HEATR5A: variants seen among roughly 807,000 people sequenced by gnomAD.
HEATR5A encodes the protein HEAT repeat containing 5A.
Under a neutral mutation model 218.8 loss-of-function variants are expected in HEATR5A, and 178 were observed. That is an observed-to-expected ratio of 0.81 (90% confidence interval 0.72 to 0.92). The LOEUF (loss-of-function observed/expected upper bound fraction) is 0.92. HEATR5A is among the 40% of genes least tolerant of loss of function. The probability of loss-of-function intolerance (pLI) is 0.00; values close to 1 mark genes in which losing one functional copy is unlikely to be tolerated. For synonymous variants in HEATR5A, 864 were observed against 871.6 expected, an observed-to-expected ratio of 0.99 and a Z score of 0.15; for missense variants, 2,420 against 2,418.9, an observed-to-expected ratio of 1.00 and a Z score of -0.01.
At chr14:31,295,012 ATTGAG>A (rs1369167264) in intron 34 of HEATR5A, among the ~76,000 whole-genome samples, 3 of 152,206 alleles carry the variant, frequency 2.0e-5, no homozygotes, top group Non-Finnish European at 2.9e-5. Context: ...ATAAACTTTT[ATTGAG>A]TTAACTGTAA....
At chr14:31,294,792 T>C (rs1899125440) in intron 34 of HEATR5A, among the ~76,000 whole-genome samples, 1 of 152,170 alleles carries the variant, frequency 6.6e-6, no homozygotes, top group Non-Finnish European at 1.5e-5. Flanking sequence ...CCTTGAAAGA[T>C]ATTTTGTTGA....
Position 31,400,500 on chromosome 14 carries a change from C to T in HEATR5A, c.139G>A (p.Glu47Lys), listed in dbSNP as rs2030830547. 6.5e-7 allele frequency: 1 copy of T among 1,531,574 alleles called. No individual in the cohort carries two copies. The highest frequency in any genetic ancestry group is 8.7e-7 in the Non-Finnish European group (1 of 1,144,038). The allele number at this position is 1,531,574 out of a possible 1,614,324, so 94.9% of individuals were successfully genotyped here. A position where few individuals can be genotyped will look rare whatever the true frequency, so the allele number is the denominator to read the frequency against. ...LLATSRNDVREKQKTLVEQLL... is the reference protein window; with the variant it reads ...LLATSRNDVRKKQKTLVEQLL... ...TGTTCAACAAGAGTCTTCTGTTTCTCCCTTACATCATTCTAGAAAGAAAGA... is the reference window on the plus strand; with the variant it reads ...TGTTCAACAAGAGTCTTCTGTTTCTTCCTTACATCATTCTAGAAAGAAAGA... Residue 47 changes from glutamate to lysine, a missense_variant, in exon 3 of 36, where the codon GAG becomes AAG. Transcript: ENST00000543095.
At chr14:31,385,701 A>G (rs114252657) in intron 9 of HEATR5A, among the ~76,000 whole-genome samples, 148 of 152,250 alleles carry the variant, frequency 9.7e-4, no homozygotes, top group Middle Eastern at 3.4e-3. Flanking sequence ...TGTATACCTT[A>G]TAAGCGTAAA....
chr14:31,379,626 AATTAAGTT>A (rs1243215329), intron 11 of HEATR5A, among the ~76,000 whole-genome samples: 4 of 152,148 alleles, frequency 2.6e-5, no homozygotes, highest in Non-Finnish European at 4.4e-5. Context: ...AGAGTAATAA[AATTAAGTT>A]TCATTAGCAC....
At chr14:31,364,352 C>G in intron 13 of HEATR5A, 54 bp from the exon 14 acceptor site, 1 of 782,692 alleles carries the variant, frequency 1.3e-6, no homozygotes. Context: ...TAACAATATA[C>G]AAAAATTGAC....
intron 1 of HEATR5A, chr14:31,420,107 G>GC: frequency 6.6e-6 from 1 of 152,382 alleles, no homozygotes; most frequent in East Asian, 1.9e-4. Flanking sequence ...TTCCCCACAC[G>GC]CCCGGCAACC....
intron 16 of HEATR5A, among the ~76,000 whole-genome samples, chr14:31,353,678 G>GT (rs1250865516): frequency 6.6e-6 from 1 of 152,086 alleles, no homozygotes; most frequent in African/African-American, 2.4e-5. Flanking sequence ...TGAAGCTGCA[G>GT]TGAGGCAAAA....
chr14:31,416,025 G>A lies in HEATR5A; in HGVS notation c.-75+4447C>T, dbSNP rs886936526. On this transcript the variant is annotated intron_variant, in intron 1 of 35. Transcript: ENST00000543095. ...GAGTGCAGTGGCAGGATCTCAGCTC[G>A]CTGCAACCTCTACCTCATGGGTTCA... 6.0e-5 allele frequency among the ~76,000 whole-genome samples: 9 copies of A among 150,994 alleles called. No individual in the cohort carries two copies. In the East Asian group the frequency reaches 1.7e-3, roughly 29 times the overall value.
At chr14:31,326,706 G>A (rs947275456) in intron 22 of HEATR5A, among the ~76,000 whole-genome samples, 2 of 151,818 alleles carry the variant, frequency 1.3e-5, no homozygotes, top group African/African-American at 2.4e-5. Context: ...GCAATGGCAC[G>A]ATCTTGGCTC....
rs750859407 is a variant in HEATR5A, at chr14:31,313,165, T to G, written c.4244A>C (p.His1415Pro). 3 of 1,613,548 alleles carry G rather than the reference T, an allele frequency of 1.9e-6. No individual in the cohort carries two copies. The highest frequency in any genetic ancestry group is 2.2e-5 in the South Asian group (2 of 91,082). ...AEVYIIAVQR[H>P]KNHRQPLKTT... ...CTTCAAAGGTTGTCTGTGGTTTTTA[T>G]GTCTTTGCACAGCAATTATGTAGAC... The change falls in exon 28 of 36, where the codon CAT (histidine) becomes CCT (proline). Residue 1415 changes from histidine (H) to proline (P), a missense_variant. Physicochemically the swap from His to Pro is moderately conservative, Grantham distance 77. Transcript: ENST00000543095.
At chr14:31,348,964 T>C (rs991544736) in intron 18 of HEATR5A, among the ~76,000 whole-genome samples, 2 of 152,224 alleles carry the variant, frequency 1.3e-5, no homozygotes, top group Admixed American at 1.3e-4. Flanking sequence ...TAGGCTTTTT[T>C]CCCATATTAC....
chr14:31,392,340 G>C (rs534665594), intron 6 of HEATR5A, among the ~76,000 whole-genome samples: 8 of 152,030 alleles, frequency 5.3e-5, no homozygotes, highest in Non-Finnish European at 7.3e-5. Flanking sequence ...GATTGGATAA[G>C]ACCACAAGAC....
At chr14:31,405,960 T>C (rs554205762) in intron 1 of HEATR5A, among the ~76,000 whole-genome samples, 1 of 152,338 alleles carries the variant, frequency 6.6e-6, no homozygotes, top group Admixed American at 6.5e-5. Context: ...TTATGTAAAT[T>C]ACTCCTAAAG....
At chr14:31,303,278 C>T (rs1037262448) in intron 32 of HEATR5A, among the ~76,000 whole-genome samples, 23 of 151,372 alleles carry the variant, frequency 1.5e-4, no homozygotes, top group Admixed American at 9.2e-4. Flanking sequence ...ACTAAAAATA[C>T]AAAAATTAGC....
In HEATR5A at chr14:31,387,753, G is replaced by C. The variant is rs1301941826; in HGVS notation, c.934-378C>G. 2.0e-5 allele frequency among the ~76,000 whole-genome samples: 3 copies of C among 152,140 alleles called. No homozygotes were observed. In the East Asian group the frequency reaches 5.8e-4, roughly 29 times the overall value. On this transcript the variant is annotated intron_variant, in intron 7 of 35. Transcript: ENST00000543095. Reference sequence around the variant, plus strand: ...TTTTTTGTATTTTTAGTAGAGACGGGGTTTCACCATGTTACCCAGGATGGT... The same window carrying C: ...TTTTTTGTATTTTTAGTAGAGACGGCGTTTCACCATGTTACCCAGGATGGT...
chr14:31,304,205 T>G (rs1481067429), intron 32 of HEATR5A, among the ~76,000 whole-genome samples: 2 of 152,080 alleles, frequency 1.3e-5, no homozygotes, highest in Non-Finnish European at 2.9e-5. Flanking sequence ...AAAGTACCTG[T>G]GTCAAACAAA....
At chr14:31,403,304 G>C (rs189519481) in intron 1 of HEATR5A, among the ~76,000 whole-genome samples, 2 of 152,252 alleles carry the variant, frequency 1.3e-5, no homozygotes, top group Admixed American at 6.5e-5. Flanking sequence ...AAACAGAAGA[G>C]ACATTCCACT....
At chr14:31,400,813 G>C (rs557241818) in intron 2 of HEATR5A, among the ~76,000 whole-genome samples, 84 of 150,542 alleles carry the variant, frequency 5.6e-4, no homozygotes, top group Middle Eastern at 3.4e-3. Context: ...TTGTTTGAAA[G>C]GCAGAGCAAA....
At chr14:31,331,925 C>T (rs1405073940) in intron 22 of HEATR5A, among the ~76,000 whole-genome samples, 1 of 152,220 alleles carries the variant, frequency 6.6e-6, no homozygotes, top group Admixed American at 6.5e-5. Flanking sequence ...CCTCCCTCAA[C>T]ACCTGGGGAT....
Sources: gnomAD v4.1 joint callset for allele counts (sites outside exome capture counted in the v4.1 genomes callset) on GRCh38, gnomAD v4.1.1 for gene constraint, MANE v1.5 for transcripts, NCBI Gene and HGNC (gene_info 2026-07-23, HGNC 2026-07-21) for gene names.